Variants in RAD51B observed in about 807,000 individuals in gnomAD.
The protein encoded by RAD51B is RAD51 paralog B.
RAD51B carries 38 observed loss-of-function variants against 42.2 expected under a neutral mutation model. The ratio of observed to expected loss-of-function variants is 0.90; its 90% CI spans 0.70 to 1.18. RAD51B has a LOEUF of 1.18. Ranked by LOEUF, RAD51B falls within the 50% of genes most tolerant of loss-of-function variation. The pLI is 0.00. For synonymous variants in RAD51B, 154 were observed against 145.2 expected, an observed-to-expected ratio of 1.06 and a Z score of -0.43; for missense variants, 373 against 400.7, an observed-to-expected ratio of 0.93 and a Z score of 0.59.
intron 9 of RAD51B, among the ~76,000 whole-genome samples, chr14:68,439,222 G>T (rs1453377053): frequency 1.3e-5 from 2 of 151,856 alleles, no homozygotes; most frequent in Non-Finnish European, 2.9e-5. Flanking sequence ...CTTGCTTCCA[G>T]TGGTGTCCCA....
intron 7 of RAD51B, among the ~76,000 whole-genome samples, chr14:68,082,536 G>A (rs2076927783): frequency 6.6e-6 from 1 of 151,704 alleles, no homozygotes; most frequent in South Asian, 2.1e-4. Flanking sequence ...AGAATGAATG[G>A]ATAAATAAGC....
At chr14:68,671,478 C>T (rs144898149) in intron 11 of RAD51B, among the ~76,000 whole-genome samples, 99 of 152,140 alleles carry the variant, frequency 6.5e-4, no homozygotes, top group African/African-American at 2.3e-3. Flanking sequence ...TTTGTCCTTG[C>T]TCATTCCATT....
chr14:68,466,958 T>C (rs556772991), intron 9 of RAD51B, among the ~76,000 whole-genome samples: 167 of 152,336 alleles, frequency 1.1e-3, no homozygotes, highest in Non-Finnish European at 1.9e-3. Context: ...TGACAGCAAA[T>C]ATTTGTTGAA....
At chr14:68,557,882 C>A (rs1888935078) in intron 10 of RAD51B, among the ~76,000 whole-genome samples, 2 of 152,278 alleles carry the variant, frequency 1.3e-5, no homozygotes, top group African/African-American at 4.8e-5. Context: ...TTCCTAGCCT[C>A]CCCTTCACCA....
At chr14:67,873,728 C>T (rs888736788) in intron 5 of RAD51B, among the ~76,000 whole-genome samples, 14 of 144,178 alleles carry the variant, frequency 9.7e-5, no homozygotes, top group African/African-American at 3.6e-4. Flanking sequence ...GAAAGCGTGG[C>T]ACATATACAC....
chr14:68,468,166 G>A lies in RAD51B; in HGVS notation c.958-6G>A, dbSNP rs2055575644. The A allele has an allele frequency of 6.2e-7, 1 of 1,612,916 alleles. No homozygotes were observed. The highest frequency in any genetic ancestry group is 8.5e-7 in the Non-Finnish European group (1 of 1,179,040). ...CTAACCCTAGAAAAATGTGCTTTATGTGCAGATTCTTATTGCCAAGTCCCC... is the reference window on the plus strand; with the variant it reads ...CTAACCCTAGAAAAATGTGCTTTATATGCAGATTCTTATTGCCAAGTCCCC... On this transcript the variant is annotated splice_polypyrimidine_tract_variant and splice_region_variant and intron_variant, in intron 9 of 10. Transcript: ENST00000471583.
At chr14:68,067,981 G>A (rs2076682494) in intron 7 of RAD51B, among the ~76,000 whole-genome samples, 1 of 150,522 alleles carries the variant, frequency 6.6e-6, no homozygotes, top group South Asian at 2.1e-4. Context: ...TGGAAATAGT[G>A]GTATTTGAAT....
chr14:68,367,426 TATTA>T (rs1350365806), intron 8 of RAD51B, among the ~76,000 whole-genome samples: 3 of 152,220 alleles, frequency 2.0e-5, no homozygotes, highest in Admixed American at 6.5e-5. Context: ...AATTCATTTA[TATTA>T]ATTAATTTGT....
At chr14:68,637,798 C>A (rs1289724046) in intron 10 of RAD51B, among the ~76,000 whole-genome samples, 1 of 152,182 alleles carries the variant, frequency 6.6e-6, no homozygotes, top group African/African-American at 2.4e-5. Flanking sequence ...TCATGAGGAC[C>A]TCTTCACATA....
At chr14:68,340,169 A>G (rs146417223) in intron 8 of RAD51B, among the ~76,000 whole-genome samples, 1 of 152,374 alleles carries the variant, frequency 6.6e-6, no homozygotes, top group Non-Finnish European at 1.5e-5. Context: ...AGGAAAGTAA[A>G]TACATCTTTC....
intron 7 of RAD51B, among the ~76,000 whole-genome samples, chr14:68,140,187 T>C (rs1004670286): frequency 6.6e-6 from 1 of 152,208 alleles, no homozygotes; most frequent in Non-Finnish European, 1.5e-5. Context: ...ATGTCACTCC[T>C]AAAGGAGTTG....
rs17106059 is a variant in RAD51B, at chr14:68,627,163, C to T, written c.1037-23618C>T. ...ATTTAAGAATGAGATTGCTACGTGA[C>T]TGTTGCCATGAAATTGTTTATCTGC... On this transcript the variant is annotated intron_variant, in intron 10 of 11. Transcript: ENST00000488612. 242 of 152,332 alleles carry T rather than the reference C, an allele frequency of 1.6e-3. 1 individual carries two copies. The highest frequency in any genetic ancestry group is 5.7e-3 in the African/African-American group (236 of 41,572). 9.4% of individuals were successfully genotyped at this position (152,332 alleles called of 1,614,324 possible).
At chr14:68,382,237 C>T (rs543915701) in intron 8 of RAD51B, among the ~76,000 whole-genome samples, 2 of 152,328 alleles carry the variant, frequency 1.3e-5, no homozygotes, top group South Asian at 4.1e-4. Flanking sequence ...GCATTTCTGC[C>T]TCTTCCCACT....
chr14:68,295,792 C>T (rs1397652563), intron 8 of RAD51B, among the ~76,000 whole-genome samples: 2 of 152,170 alleles, frequency 1.3e-5, no homozygotes, highest in African/African-American at 4.8e-5. Flanking sequence ...TTGTTCTCAC[C>T]TCACAACTGT....
chr14:68,633,683 C>T (rs968337556), intron 10 of RAD51B, among the ~76,000 whole-genome samples: 3 of 152,252 alleles, frequency 2.0e-5, no homozygotes, highest in Non-Finnish European at 4.4e-5. Context: ...AAACCCAGGC[C>T]ACCAGCCAGG....
chr14:68,650,460 A>G (rs1892677578), intron 10 of RAD51B, among the ~76,000 whole-genome samples: 1 of 152,222 alleles, frequency 6.6e-6, no homozygotes, highest in South Asian at 2.1e-4. Flanking sequence ...AGGTGGGCAG[A>G]AAACTCAGTT....
At chr14:68,320,132 G>C (rs2082130772) in intron 8 of RAD51B, among the ~76,000 whole-genome samples, 2 of 152,120 alleles carry the variant, frequency 1.3e-5, no homozygotes, top group African/African-American at 4.8e-5. Flanking sequence ...AGTTTGGCTT[G>C]ATATTGGAAT....
chr14:68,148,822 G>A (rs779635010), intron 7 of RAD51B, among the ~76,000 whole-genome samples: 15 of 152,190 alleles, frequency 9.9e-5, no homozygotes, highest in Non-Finnish European at 2.2e-4. Flanking sequence ...TTGTCCAACT[G>A]TAGGCTAATG....
intron 8 of RAD51B, among the ~76,000 whole-genome samples, chr14:68,375,013 ATGTGGCC>A (rs1436237353): frequency 6.6e-6 from 1 of 151,526 alleles, no homozygotes; most frequent in Non-Finnish European, 1.5e-5. Context: ...CCCTATTAAG[ATGTGGCC>A]TGGCTTTCCA....
Sources: gnomAD v4.1 joint callset for allele counts (sites outside exome capture counted in the v4.1 genomes callset) on GRCh38, gnomAD v4.1.1 for gene constraint, MANE v1.5 for transcripts, NCBI Gene and HGNC (gene_info 2026-07-23, HGNC 2026-07-21) for gene names.